The following IRF2 variants were observed in gnomAD, a reference collection of about 807,000 sequenced individuals.
IRF2 encodes the protein interferon regulatory factor 2.
In IRF2, 15 loss-of-function variants were observed where a neutral mutation model predicts 40.6. The ratio of observed to expected loss-of-function variants is 0.37; its 90% CI spans 0.25 to 0.57. The LOEUF is 0.57. Ranked by LOEUF, IRF2 falls within the 20% of genes least tolerant of loss-of-function variation. IRF2 has a pLI of 0.77. For synonymous variants in IRF2, 151 were observed against 165.5 expected (o/e 0.91, Z 0.67); for missense variants, 317 against 455.7 (o/e 0.70, Z 2.77).
chr4:184,418,561 A>T lies in IRF2; in HGVS notation c.335T>A (p.Leu112Gln). 1.2e-6 allele frequency: 2 copies of T among 1,614,206 alleles called. No homozygotes were observed. Among genetic ancestry groups the T allele is most frequent in the Non-Finnish European group, 1.7e-6 (2 of 1,180,010 alleles). ...GNNAFRVYRM[L>Q]PLSERPSKKG... ...CTTAGAAGGCCGTTCTGATAGGGGC[A>T]GCATTCGGTAGACCCTGAAGGCATT... Residue 112 changes from leucine (L) to glutamine (Q), a missense_variant, in exon 4 of 9, where the codon CTG (leucine) becomes CAG (glutamine). Physicochemically the swap from Leu to Gln is moderately radical, Grantham distance 113 (BLOSUM62 -2). Around this residue, in one of 2 missense-constraint regions of IRF2, gnomAD observed 262 missense variants for 334.0 expected, o/e 0.78. Coordinates refer to ENST00000393593, the MANE Select transcript of IRF2 (RefSeq NM_002199.4).
intron 1 of IRF2, among the ~76,000 whole-genome samples, chr4:184,458,659 C>T (rs1273869105): frequency 6.6e-6 from 1 of 152,326 alleles, no homozygotes; most frequent in East Asian, 1.9e-4. Flanking sequence ...CTGTTTCTCA[C>T]ATATATTATG....
At position 184,402,158 on chromosome 4, in the gene IRF2, T is replaced by A. The variant is rs1736689706; in HGVS notation, c.530-3079A>T. On this transcript the variant is annotated intron_variant, in intron 6 of 8. Transcript: ENST00000393593. ...GGCCAGCGACTAACCATCTAGAGAG[T>A]CAGTTTAAGGCCGTGAGCACTGAAA... Among the ~76,000 whole-genome samples, 3 of 151,534 alleles carry A rather than the reference T, an allele frequency of 2.0e-5. No homozygotes were observed. In the South Asian group the frequency reaches 6.3e-4, roughly 32 times the overall value.
At position 184,408,261 on chromosome 4, in the gene IRF2, C is replaced by G. The variant is rs758483695; in HGVS notation, c.426G>C (p.Glu142Asp). 2 of 1,607,756 alleles carry G rather than the reference C, an allele frequency of 1.2e-6. No individual in the cohort carries two copies. The highest frequency in any genetic ancestry group is 1.7e-6 in the Non-Finnish European group (2 of 1,174,184). ...CTCCATTACTAAGCCCCAGAGATGA[C>G]TCAACTGGTTCTTGCTAGGAAGAAG... ...KVKHIKQEPV[E>D]SSLGLSNGVS... The change falls in exon 6 of 9, where the codon GAG becomes GAC. Residue 142 changes from glutamate to aspartate, a missense_variant. By Grantham distance (45) the Glu-to-Asp change is conservative. Transcript: ENST00000393593. This position sits in a 1 kb window ranked among gnomAD's most constrained non-coding sequence, Gnocchi z 4.9.
At chr4:184,412,921 C>T (rs770180660) in intron 5 of IRF2, among the ~76,000 whole-genome samples, 29 of 152,248 alleles carry the variant, frequency 1.9e-4, no homozygotes, top group Non-Finnish European at 3.7e-4. Flanking sequence ...TGGGCACTCA[C>T]TCAAGTGCTG....
chr4:184,425,609 C>A (rs139053236), intron 2 of IRF2, among the ~76,000 whole-genome samples: 1 of 152,244 alleles, frequency 6.6e-6, no homozygotes, highest in Non-Finnish European at 1.5e-5. Context: ...AGCGGAGGAG[C>A]CCTGTGAGAT....
chr4:184,389,116 G>A (rs1736159227), intron 8 of IRF2, 50 bp from the exon 9 acceptor site: 8 of 1,581,996 alleles, frequency 5.1e-6, no homozygotes, highest in Non-Finnish European at 6.9e-6. Flanking sequence ...TCTATTGGAT[G>A]GCTTTTTAAA....
At chr4:184,451,167 T>C (rs1163899241) in intron 1 of IRF2, among the ~76,000 whole-genome samples, 2 of 152,188 alleles carry the variant, frequency 1.3e-5, no homozygotes, top group African/African-American at 2.4e-5. Flanking sequence ...ACATACTTCC[T>C]CATGAAAGTG....
chr4:184,395,596 G>A (rs897400717), intron 7 of IRF2, among the ~76,000 whole-genome samples: 1 of 152,160 alleles, frequency 6.6e-6, no homozygotes, highest in African/African-American at 2.4e-5. Flanking sequence ...AATTTCTGAC[G>A]GAGGAACTAA....
At chr4:184,460,669 A>G (rs1402013448) in intron 1 of IRF2, among the ~76,000 whole-genome samples, 2 of 120,922 alleles carry the variant, frequency 1.7e-5, no homozygotes, top group East Asian at 2.6e-4. Flanking sequence ...GCACGCGCAC[A>G]CACACACACA....
At position 184,433,022 on chromosome 4, in the gene IRF2, G is replaced by C. The variant is rs139082915; in HGVS notation, c.-6-3952C>G. ...GGCCCTGAGGCAAGGTGGCCCCTGT[G>C]GACAGCAGTCAGTGACAGGGAGGGC... On this transcript the variant is annotated intron_variant, in intron 1 of 8. Coordinates refer to ENST00000393593, the MANE Select transcript of IRF2 (RefSeq NM_002199.4). 1.9e-3 allele frequency among the ~76,000 whole-genome samples: 287 copies of C among 152,308 alleles called. 9 individuals are homozygous for C. Among genetic ancestry groups the C allele is most frequent in the Admixed American group, 0.014 (218 of 15,306 alleles).
intron 1 of IRF2, among the ~76,000 whole-genome samples, chr4:184,445,971 G>C (rs1738493784): frequency 6.6e-6 from 1 of 152,184 alleles, no homozygotes; most frequent in Non-Finnish European, 1.5e-5. Flanking sequence ...CTTTTAAGAA[G>C]AGGGAAACTT....
intron 5 of IRF2, among the ~76,000 whole-genome samples, chr4:184,417,259 A>G (rs1737315628): frequency 6.6e-6 from 1 of 152,218 alleles, no homozygotes; most frequent in Non-Finnish European, 1.5e-5. Context: ...TCTTTCCACA[A>G]TGAAAAGTTA....
intron 1 of IRF2, among the ~76,000 whole-genome samples, chr4:184,456,461 G>A (rs988607581): frequency 2.0e-5 from 3 of 152,250 alleles, no homozygotes; most frequent in African/African-American, 7.2e-5. Flanking sequence ...CTGCGCCACG[G>A]GGAACGTGAG....
intron 5 of IRF2, among the ~76,000 whole-genome samples, chr4:184,417,695 T>C (rs964878883): frequency 2.6e-5 from 4 of 152,134 alleles, no homozygotes; most frequent in Non-Finnish European, 5.9e-5. Context: ...TCTGATAGAG[T>C]GCTGACATTG....
In IRF2 at chr4:184,441,139, T is replaced by C. The variant is rs568100608; in HGVS notation, c.-6-12069A>G. 4.6e-5 allele frequency among the ~76,000 whole-genome samples: 7 copies of C among 152,298 alleles called. No individual in the cohort carries two copies. The South Asian group carries it at 8.3e-4, about 18-fold the overall frequency. ...GCACGCATCTTACACTGTCCTAAAG[T>C]CACTGGTTCATTGTGATGTGCTTTA... On this transcript the variant is annotated intron_variant, in intron 1 of 8. Transcript: ENST00000393593.
chr4:184,403,104 C>T (rs1736727145), intron 6 of IRF2, among the ~76,000 whole-genome samples: 2 of 152,132 alleles, frequency 1.3e-5, no homozygotes, highest in Admixed American at 1.3e-4. Flanking sequence ...GAGTGTGTTG[C>T]TTTATGCCCT....
At chr4:184,452,576 C>G (rs1256213480) in intron 1 of IRF2, among the ~76,000 whole-genome samples, 1 of 151,992 alleles carries the variant, frequency 6.6e-6, no homozygotes, top group Admixed American at 6.6e-5. Context: ...CTGACCTTCT[C>G]TGTTCTCATC....
intron 5 of IRF2, among the ~76,000 whole-genome samples, chr4:184,415,538 T>C (rs1029571908): frequency 1.3e-5 from 2 of 152,232 alleles, no homozygotes; most frequent in Non-Finnish European, 2.9e-5. Context: ...TTTCCTCGCA[T>C]TGCCACATCC....
intron 6 of IRF2, among the ~76,000 whole-genome samples, chr4:184,404,720 C>A (rs1406699552): frequency 6.6e-6 from 1 of 152,104 alleles, no homozygotes; most frequent in East Asian, 1.9e-4. Flanking sequence ...TTTAGGCACT[C>A]GAGAGCCATG....
Sources: allele counts gnomAD v4.1 joint callset (sites outside exome capture counted in the v4.1 genomes callset), GRCh38; gene constraint gnomAD v4.1.1; regional missense constraint gnomAD v4.1.1; non-coding constraint Gnocchi (gnomAD v3.1); transcripts MANE v1.5; gene names NCBI Gene and HGNC (gene_info 2026-07-23, HGNC 2026-07-21).